The following PLSCR4 variants were observed in gnomAD, a reference collection of about 807,000 sequenced individuals.
The protein encoded by PLSCR4 is phospholipid scramblase 4, also known as Ca(2+)-dependent phospholipid scramblase 4.
In PLSCR4, 25 loss-of-function variants were observed where a neutral mutation model predicts 36.3. That is an observed-to-expected ratio of 0.69 (90% CI 0.50 to 0.96). The LOEUF (loss-of-function observed/expected upper bound fraction) is 0.96. Among genes scored for constraint, PLSCR4 ranks in the 40% least tolerant of loss-of-function variants. The pLI, the probability that PLSCR4 is intolerant of heterozygous loss-of-function variation, is 0.00. For synonymous variants in PLSCR4, 122 were observed against 132.9 expected, an observed-to-expected ratio of 0.92 and a Z score of 0.56; for missense variants, 408 against 414.7, an observed-to-expected ratio of 0.98 and a Z score of 0.14.
chr3:146,199,449 A>G (rs891009788), intron 6 of PLSCR4, among the ~76,000 whole-genome samples: 4 of 152,082 alleles, frequency 2.6e-5, no homozygotes, highest in African/African-American at 9.7e-5. Flanking sequence ...GTCCCTTCCA[A>G]TTCTAAAAGC....
chr3:146,203,972 C>T (rs1043138938), intron 4 of PLSCR4, among the ~76,000 whole-genome samples: 3 of 152,120 alleles, frequency 2.0e-5, no homozygotes, highest in Admixed American at 6.6e-5. Context: ...AACATGCCTT[C>T]CTCATTAAGC....
rs114076165 is a variant in PLSCR4 at position 146,206,482 on chromosome 3, T to C, written c.354+44A>G. On this transcript the variant is annotated intron_variant, in intron 4 of 8. Transcript: ENST00000354952. ...TTTTTCTCTCTTTGTTGGATCCCTA[T>C]GGTCACATTTCATAAGAAAATAATT... 1,613 of 1,420,348 alleles carry C rather than the reference T, an allele frequency of 1.1e-3. 18 individuals are homozygous for C. In the African/African-American group the frequency reaches 0.02, roughly 18 times the overall value. 88.0% of individuals were successfully genotyped at this position (1,420,348 alleles called of 1,614,324 possible).
At chr3:146,198,699 G>T (rs563324063) in intron 6 of PLSCR4, among the ~76,000 whole-genome samples, 157 of 151,962 alleles carry the variant, frequency 1.0e-3, no homozygotes, top group Non-Finnish European at 2.2e-3. Context: ...AAACCATCCT[G>T]CCCAGCTGTA....
At chr3:146,242,266 A>G (rs1576499057) in intron 1 of PLSCR4, among the ~76,000 whole-genome samples, 1 of 152,296 alleles carries the variant, frequency 6.6e-6, no homozygotes, top group African/African-American at 2.4e-5. Flanking sequence ...TTTTTCGCTC[A>G]GATAAACTCT....
chr3:146,229,185 C>G (rs982266883), intron 1 of PLSCR4, among the ~76,000 whole-genome samples: 1 of 152,170 alleles, frequency 6.6e-6, no homozygotes, highest in African/African-American at 2.4e-5. Flanking sequence ...CAAGTAATAG[C>G]AGTGTTTCTG....
chr3:146,238,003 C>G (rs2035988593), intron 1 of PLSCR4, among the ~76,000 whole-genome samples: 1 of 151,164 alleles, frequency 6.6e-6, no homozygotes, highest in Non-Finnish European at 1.5e-5. Context: ...ATGAAAAGAG[C>G]CATATTAATA....
In PLSCR4 at chr3:146,220,247, T is replaced by C. The variant is rs573574525; in HGVS notation, c.118+568A>G. Among the ~76,000 whole-genome samples the C allele has an allele frequency of 3.3e-5, 5 of 152,300 alleles. No individual in the cohort carries two copies. In the South Asian group the frequency reaches 1.0e-3, roughly 32 times the overall value. ...ACACTAGCACTGTATAAAGTATTCA[T>C]TCTCCCAAGACATCACCAGTAGTGC... On this transcript the variant is annotated intron_variant, in intron 3 of 8. Transcript: ENST00000354952.
intron 6 of PLSCR4, among the ~76,000 whole-genome samples, 194 bp from the exon 7 acceptor site, chr3:146,196,987 T>A (rs1489804853): frequency 6.6e-6 from 1 of 152,154 alleles, no homozygotes; most frequent in Non-Finnish European, 1.5e-5. Context: ...ACGGATGAGG[T>A]CATGTTTGCC....
chr3:146,217,090 A>G (rs1398755377), intron 3 of PLSCR4, among the ~76,000 whole-genome samples: 3 of 152,358 alleles, frequency 2.0e-5, no homozygotes, highest in South Asian at 2.1e-4. Flanking sequence ...TGCTAGAAAT[A>G]TAAGACAGAA....
intron 3 of PLSCR4, among the ~76,000 whole-genome samples, chr3:146,207,856 G>A (rs2034417964): frequency 1.3e-5 from 2 of 151,926 alleles, no homozygotes; most frequent in Non-Finnish European, 2.9e-5. Context: ...CATGCTTTAA[G>A]AGCACAGTCT....
At chr3:146,216,516 A>G (rs967934721) in intron 3 of PLSCR4, among the ~76,000 whole-genome samples, 2 of 152,216 alleles carry the variant, frequency 1.3e-5, no homozygotes, top group Non-Finnish European at 2.9e-5. Flanking sequence ...CGTTACAAGT[A>G]CTAAACCTTG....
Position 146,193,289 on chromosome 3 carries a change from G to A in PLSCR4, c.*1122C>T, listed in dbSNP as rs1053398771. On this transcript the variant is annotated 3_prime_UTR_variant, in exon 9 of 9. Coordinates refer to ENST00000354952, the MANE Select transcript of PLSCR4 (RefSeq NM_020353.3). ...GTGTAGATACATATTTATCTATCAT[G>A]TCAATAAAAAGAAGCAAAGCAGTAT... is the stretch of plus-strand genomic sequence containing the variant. 2.7e-4 allele frequency: 41 copies of A among 151,466 alleles called. No individual in the cohort carries two copies. The highest frequency in any genetic ancestry group is 8.7e-4 in the African/African-American group (36 of 41,272). 9.4% of individuals were successfully genotyped at this position (151,466 alleles called of 1,614,324 possible).
intron 3 of PLSCR4, among the ~76,000 whole-genome samples, chr3:146,217,765 G>A (rs1408228847): frequency 6.6e-6 from 1 of 152,164 alleles, no homozygotes. Context: ...TAACAAAGTT[G>A]GGCTGGTGAT....
At chr3:146,242,835 A>G (rs972905196) in intron 1 of PLSCR4, among the ~76,000 whole-genome samples, 3 of 152,204 alleles carry the variant, frequency 2.0e-5, no homozygotes, top group African/African-American at 7.2e-5. Context: ...ACAGGGCCCA[A>G]GAGGATCCCA....
intron 1 of PLSCR4, among the ~76,000 whole-genome samples, chr3:146,242,730 T>C (rs1014251363): frequency 6.6e-6 from 1 of 152,172 alleles, no homozygotes. Flanking sequence ...TCGAGACGAA[T>C]GGGAGAACCT....
intron 1 of PLSCR4, among the ~76,000 whole-genome samples, chr3:146,244,249 A>C (rs1482659401): frequency 6.6e-6 from 1 of 152,150 alleles, no homozygotes; most frequent in Non-Finnish European, 1.5e-5. Flanking sequence ...ATATTGTATA[A>C]AATTATCTTC....
At chr3:146,232,103 T>C (rs970067511) in intron 1 of PLSCR4, among the ~76,000 whole-genome samples, 3 of 152,176 alleles carry the variant, frequency 2.0e-5, no homozygotes, top group African/African-American at 7.2e-5. Flanking sequence ...CACCTTTTAT[T>C]GAACAGGAAG....
chr3:146,242,010 G>C (rs924576252), intron 1 of PLSCR4, among the ~76,000 whole-genome samples: 1 of 152,180 alleles, frequency 6.6e-6, no homozygotes, highest in Non-Finnish European at 1.5e-5. Context: ...ACAAGTAGCT[G>C]AGTCTCAGCC....
chr3:146,196,588 T>C (rs1203814244), intron 7 of PLSCR4, 44 bp downstream of exon 7: 2 of 1,582,946 alleles, frequency 1.3e-6, no homozygotes, highest in Non-Finnish European at 8.7e-7. Flanking sequence ...TCTGTTAATA[T>C]GAGTAGGAAA....
Sources: gnomAD v4.1 joint callset for allele counts (sites outside exome capture counted in the v4.1 genomes callset) on GRCh38, gnomAD v4.1.1 for gene constraint, MANE v1.5 for transcripts, NCBI Gene and HGNC (gene_info 2026-07-23, HGNC 2026-07-21) for gene names.